Variants in LAMA4 observed in about 807,000 individuals in gnomAD.
LAMA4 encodes laminin subunit alpha 4.
LAMA4 carries 127 observed loss-of-function variants against 207.1 expected under a neutral mutation model. The ratio of observed to expected loss-of-function variants is 0.61; its 90% CI spans 0.53 to 0.71. LAMA4 has a LOEUF of 0.71. Ranked by LOEUF, LAMA4 falls within the 30% of genes least tolerant of loss-of-function variation. The probability of loss-of-function intolerance (pLI) is 0.00; values close to 1 mark genes in which losing one functional copy is unlikely to be tolerated. For synonymous variants in LAMA4, 761 were observed against 816.0 expected (o/e 0.93, Z 1.15); for missense variants, 2,093 against 2,246.5 (o/e 0.93, Z 1.38).
chr6:112,216,707 A>G lies in LAMA4; in HGVS notation c.196-238T>C, dbSNP rs541075467. 1.3e-4 allele frequency: 69 copies of G among 514,502 alleles called. No individual in the cohort carries two copies. In the Middle Eastern group the frequency reaches 1.7e-3, roughly 12 times the overall value. 31.9% of individuals were successfully genotyped at this position (514,502 alleles called of 1,614,324 possible). ...TTTTTCCCTCCTTTCACTTTTCAGG[A>G]GAACAGAAATGCCTTTAACACTGTC... is the stretch of plus-strand genomic sequence containing the variant. On this transcript the variant is annotated intron_variant, in intron 2 of 38. Transcript: ENST00000230538.
At chr6:112,179,930 C>T (rs1469106532) in intron 9 of LAMA4, 1 of 532,862 alleles carries the variant, frequency 1.9e-6, no homozygotes, top group Non-Finnish European at 3.8e-6. Flanking sequence ...TTCCAGTCTT[C>T]TTCTTGGCTT....
At chr6:112,199,280 C>A (rs537171560) in intron 5 of LAMA4, among the ~76,000 whole-genome samples, 1 of 152,314 alleles carries the variant, frequency 6.6e-6, no homozygotes, top group South Asian at 2.1e-4. Context: ...CAGGTGATTT[C>A]ACTTCTGCGA....
intron 4 of LAMA4, among the ~76,000 whole-genome samples, chr6:112,203,679 G>A (rs544674576): frequency 1.6e-4 from 25 of 152,316 alleles, no homozygotes; most frequent in African/African-American, 6.0e-4. Context: ...TCAAGAAGTA[G>A]AGCTGTTGTC....
intron 6 of LAMA4, 79 bp downstream of exon 6, chr6:112,191,557 A>C: frequency 1.9e-6 from 2 of 1,075,852 alleles, no homozygotes; most frequent in Non-Finnish European, 2.8e-6. Flanking sequence ...CTTCCCCAAG[A>C]GAAATTCTTC....
At chr6:112,137,699 T>G (rs1729737171) in intron 24 of LAMA4, among the ~76,000 whole-genome samples, 1 of 152,220 alleles carries the variant, frequency 6.6e-6, no homozygotes, top group African/African-American at 2.4e-5. Context: ...TGTATTGAGA[T>G]GTAGAGTGAT....
chr6:112,137,047 A>T (rs1000456661), intron 24 of LAMA4, among the ~76,000 whole-genome samples: 7 of 152,222 alleles, frequency 4.6e-5, no homozygotes, highest in Non-Finnish European at 8.8e-5. Flanking sequence ...ATTTAAAAAA[A>T]GAAGGCCATT....
intron 4 of LAMA4, 86 bp downstream of exon 4, chr6:112,206,935 T>C: frequency 6.6e-7 from 1 of 1,523,646 alleles, no homozygotes; most frequent in Non-Finnish European, 9.0e-7. Flanking sequence ...ACCTCAGAAC[T>C]CTGGGATAAG....
intron 2 of LAMA4, chr6:112,253,726 C>CA: frequency 2.5e-6 from 4 of 1,611,372 alleles, no homozygotes; most frequent in Non-Finnish European, 3.4e-6. Flanking sequence ...CATGCACTCT[C>CA]ACCCCTTTGA....
At chr6:112,149,888 G>A (rs1562664174) in intron 17 of LAMA4, among the ~76,000 whole-genome samples, 1 of 152,190 alleles carries the variant, frequency 6.6e-6, no homozygotes, top group South Asian at 2.1e-4. Context: ...TGCTGCACTA[G>A]TTTTTTAACT....
At position 112,185,274 on chromosome 6, in the gene LAMA4, TTCA is replaced by T; in HGVS notation, c.1037_1039del (p.Met346del). Reference sequence around the variant, plus strand: ...TTCCTCTACGTCAGACAGAAGGCTTTTCATCGTGTTCTCAGCATTGTTGATTTG... The same window carrying T: ...TTCCTCTACGTCAGACAGAAGGCTTTTCGTGTTCTCAGCATTGTTGATTTG... On this transcript the variant is annotated inframe_deletion, in exon 9 of 39. Transcript: ENST00000230538. 6.2e-7 allele frequency: 1 copy of T among 1,613,358 alleles called. No homozygotes were observed. The highest frequency in any genetic ancestry group is 8.5e-7 in the Non-Finnish European group (1 of 1,179,254).
chr6:112,175,980 T>G lies in LAMA4; in HGVS notation c.1190-500A>C, dbSNP rs537591088. ...TTTTAGACAAAGATTTGATCAAAGC[T>G]TTAAGCCCAAATGAGAGCATATTGA... On this transcript the variant is annotated intron_variant, in intron 10 of 38. Coordinates refer to ENST00000230538, the MANE Select transcript of LAMA4 (RefSeq NM_001105206.3). Among the ~76,000 whole-genome samples, 3 of 152,344 alleles carry G rather than the reference T, an allele frequency of 2.0e-5. No homozygotes were observed. In the East Asian group the frequency reaches 5.8e-4, roughly 29 times the overall value.
chr6:112,117,882 CTG>C lies in LAMA4; in HGVS notation c.4836_4837del (p.Tyr1612Ter). On this transcript the variant is annotated stop_gained and frameshift_variant, in exon 35 of 39. Transcript: ENST00000230538. LOFTEE classifies it high-confidence loss of function. This position sits in a 1 kb window ranked among gnomAD's most constrained non-coding sequence, Gnocchi z 4.5. ...GAGATTGCTGAGACAGCCACTAAAA[CTG>C]TAGATGGAGTTAATCTGAGGGAAGA... The C allele has an allele frequency of 1.2e-6, 2 of 1,613,432 alleles. No homozygotes were observed. Among genetic ancestry groups the C allele is most frequent in the Non-Finnish European group, 1.7e-6 (2 of 1,179,552 alleles).
Position 112,154,891 on chromosome 6 carries a change from G to T in LAMA4, c.2016C>A (p.Leu672=). Residue 672 remains leucine (L), a synonymous_variant, in exon 16 of 39, where the codon CTC becomes CTA. Transcript: ENST00000230538. ...CTTGCAGTTCTCTGGCTTGATTGAG[G>T]AGGTTCTCACTTTCATCTTTATGGT... The part of the protein sequence containing the change: ...IIYHKDESEN[L]LNQARELQAK... 1 of 1,613,472 alleles carries T rather than the reference G, an allele frequency of 6.2e-7. No homozygotes were observed. The highest frequency in any genetic ancestry group is 8.5e-7 in the Non-Finnish European group (1 of 1,179,474).
At position 112,148,332 on chromosome 6, in the gene LAMA4, A is replaced by G; in HGVS notation, c.2178T>C (p.Asp726=). 6.2e-7 allele frequency: 1 copy of G among 1,614,164 alleles called. No individual in the cohort carries two copies. Among genetic ancestry groups the G allele is most frequent in the Non-Finnish European group, 8.5e-7 (1 of 1,180,004 alleles). ...VKQLQAAERG[D]AQQRLGQSRL... is the part of the protein sequence containing the mutation. ...TAGACTGCCCCAGGCGCTGCTGGGC[A>G]TCCCCTTTACACAGAGCACAGGGTC... The change falls in exon 18 of 39, where the codon GAT becomes GAC. Residue 726 remains aspartate, a synonymous_variant. Transcript: ENST00000230538.
chr6:112,187,753 A>G (rs1782780181), intron 7 of LAMA4, 152 bp from the exon 8 acceptor site: 2 of 845,834 alleles, frequency 2.4e-6, no homozygotes, highest in African/African-American at 1.7e-5. Context: ...AGGCTTTAGT[A>G]TCTTGCTTGG....
chr6:112,207,518 A>AAACCAACC (rs112175330), intron 3 of LAMA4, among the ~76,000 whole-genome samples: 2 of 151,942 alleles, frequency 1.3e-5, no homozygotes, highest in Non-Finnish European at 2.9e-5. Flanking sequence ...ATGAAATGAG[A>AAACCAACC]AACCAACCAA....
Position 112,133,453 on chromosome 6 carries a change from A to G in LAMA4, c.3592T>C (p.Phe1198Leu). Reference protein sequence around the residue: ...LRAHLPLDINFRGCMKGFQFQ... With the variant: ...LRAHLPLDINLRGCMKGFQFQ... Reference sequence around the variant, plus strand: ...TGGAAGCCCTTCATGCATCCTCTGAAGTTGATATCTAGGGGAAGGTGTGCT... The same window carrying G: ...TGGAAGCCCTTCATGCATCCTCTGAGGTTGATATCTAGGGGAAGGTGTGCT... Residue 1198 changes from phenylalanine (F) to leucine (L), a missense_variant, in exon 27 of 39, where the codon TTC (phenylalanine) becomes CTC (leucine). Physicochemically the swap from Phe to Leu is conservative, Grantham distance 22 (BLOSUM62 0). Coordinates refer to ENST00000230538, the MANE Select transcript of LAMA4 (RefSeq NM_001105206.3). The G allele has an allele frequency of 6.2e-7, 1 of 1,613,748 alleles. No individual in the cohort carries two copies. Among genetic ancestry groups the G allele is most frequent in the East Asian group, 2.2e-5 (1 of 44,872 alleles).
chr6:112,139,047 G>A (rs1264820730), intron 24 of LAMA4, 73 bp downstream of exon 24: 2 of 1,441,300 alleles, frequency 1.4e-6, no homozygotes, highest in Non-Finnish European at 9.8e-7. Flanking sequence ...GACCTGGGAA[G>A]GTTCCTGGAA....
At chr6:112,224,493 G>T (rs1342553829) in intron 2 of LAMA4, among the ~76,000 whole-genome samples, 2 of 152,040 alleles carry the variant, frequency 1.3e-5, no homozygotes, top group East Asian at 3.9e-4. Context: ...CACTGAAATT[G>T]CCCTCACAAA....
Sources: allele counts gnomAD v4.1 joint callset (sites outside exome capture counted in the v4.1 genomes callset), GRCh38; gene constraint gnomAD v4.1.1; non-coding constraint Gnocchi (gnomAD v3.1); transcripts MANE v1.5; gene names NCBI Gene and HGNC (gene_info 2026-07-23, HGNC 2026-07-21).